Variants in HS6ST3 observed in about 807,000 individuals in gnomAD.
HS6ST3 encodes the protein heparan-sulfate 6-O-sulfotransferase 3.
HS6ST3 carries 12 observed loss-of-function variants against 36.7 expected under a neutral mutation model. The observed-to-expected ratio is 0.33, with a 90% CI of 0.21 to 0.53. HS6ST3 has a LOEUF of 0.53. HS6ST3 is among the 20% of genes least tolerant of loss of function. The pLI is 0.95. For synonymous variants in HS6ST3, 240 were observed against 257.5 expected, an observed-to-expected ratio of 0.93 and a Z score of 0.65; for missense variants, 584 against 640.9, an observed-to-expected ratio of 0.91 and a Z score of 0.96.
At chr13:96,414,987 A>G (rs1331592104) in intron 1 of HS6ST3, among the ~76,000 whole-genome samples, 4 of 152,222 alleles carry the variant, frequency 2.6e-5, no homozygotes, top group Non-Finnish European at 5.9e-5. Context: ...TCATTTTAAA[A>G]GAATTCAACA....
rs1292528531 is a variant in HS6ST3 at position 96,835,517 on chromosome 13, C to CTT, written c.*2320_*2321insTT. On this transcript the variant is annotated 3_prime_UTR_variant, in exon 2 of 2. Transcript: ENST00000376705. ...GATTAATGTTCGTCTCTCTCTCTCT[C>CTT]TCTCTCTAGCTTCTCATCTCATTGT... 2.0e-5 allele frequency: 3 copies of CTT among 151,790 alleles called. No homozygotes were observed. Among genetic ancestry groups the CTT allele is most frequent in the Non-Finnish European group, 4.4e-5 (3 of 67,986 alleles). The allele number at this position is 151,790 out of a possible 1,614,324, so 9.4% of individuals were successfully genotyped here. A position where few individuals can be genotyped will look rare whatever the true frequency, so the allele number is the denominator to read the frequency against.
chr13:96,756,589 T>G (rs1266002588), intron 1 of HS6ST3, among the ~76,000 whole-genome samples: 1 of 152,224 alleles, frequency 6.6e-6, no homozygotes, highest in African/African-American at 2.4e-5. Context: ...GTGGATCCAT[T>G]TGAACATACT....
At chr13:96,320,777 T>A (rs1207779543) in intron 1 of HS6ST3, among the ~76,000 whole-genome samples, 1 of 152,196 alleles carries the variant, frequency 6.6e-6, no homozygotes, top group East Asian at 1.9e-4. Context: ...TCAAGAATAC[T>A]GGGGACTCCT....
chr13:96,374,679 A>C (rs1257660864), intron 1 of HS6ST3, among the ~76,000 whole-genome samples: 1 of 152,118 alleles, frequency 6.6e-6, no homozygotes, highest in Admixed American at 6.6e-5. Flanking sequence ...TTGAGTGGTA[A>C]AAACCATAAG....
At chr13:96,273,056 T>C (rs1274570942) in intron 1 of HS6ST3, among the ~76,000 whole-genome samples, 1 of 151,950 alleles carries the variant, frequency 6.6e-6, no homozygotes, top group African/African-American at 2.4e-5. Context: ...AATAATAGAA[T>C]TGAATCTAAA....
chr13:96,362,277 A>G (rs1165995261), intron 1 of HS6ST3, among the ~76,000 whole-genome samples: 2 of 139,326 alleles, frequency 1.4e-5, no homozygotes, highest in Non-Finnish European at 3.4e-5. Flanking sequence ...TTCTAACAAA[A>G]TATTTTTAAA....
At chr13:96,822,707 T>C (rs1026411793) in intron 1 of HS6ST3, among the ~76,000 whole-genome samples, 1 of 152,230 alleles carries the variant, frequency 6.6e-6, no homozygotes, top group Non-Finnish European at 1.5e-5. Context: ...GTTTGGTTTG[T>C]TTTGTATAAT....
At chr13:96,177,280 C>T (rs1450214063) in intron 1 of HS6ST3, among the ~76,000 whole-genome samples, 2 of 152,158 alleles carry the variant, frequency 1.3e-5, no homozygotes, top group African/African-American at 2.4e-5. Context: ...GGTATATACT[C>T]AGATTAATGT....
chr13:96,519,357 A>G (rs1254825342), intron 1 of HS6ST3, among the ~76,000 whole-genome samples: 2 of 152,326 alleles, frequency 1.3e-5, no homozygotes, highest in Non-Finnish European at 2.9e-5. Context: ...CACTTTCCCT[A>G]AATTATATAA....
At chr13:96,150,044 G>C (rs908295152) in intron 1 of HS6ST3, among the ~76,000 whole-genome samples, 2 of 152,168 alleles carry the variant, frequency 1.3e-5, no homozygotes, top group African/African-American at 4.8e-5. Context: ...GGATATGCCT[G>C]TTTTGTTCCT....
intron 1 of HS6ST3, among the ~76,000 whole-genome samples, chr13:96,774,030 G>A (rs774072264): frequency 1.3e-5 from 2 of 152,178 alleles, no homozygotes; most frequent in Non-Finnish European, 2.9e-5. Context: ...TGATACCCAG[G>A]CAAACAAGGT....
intron 1 of HS6ST3, among the ~76,000 whole-genome samples, chr13:96,348,648 G>T (rs1216750009): frequency 6.6e-6 from 1 of 152,192 alleles, no homozygotes; most frequent in Non-Finnish European, 1.5e-5. Flanking sequence ...TACAAGGACT[G>T]CAGGCATCTA....
chr13:96,760,569 A>T (rs908858489), intron 1 of HS6ST3, among the ~76,000 whole-genome samples: 1 of 152,160 alleles, frequency 6.6e-6, no homozygotes, highest in African/African-American at 2.4e-5. Context: ...TAGCGAATGT[A>T]GGTGTTAGGC....
intron 1 of HS6ST3, among the ~76,000 whole-genome samples, chr13:96,594,388 C>A (rs1158980469): frequency 6.6e-6 from 1 of 151,844 alleles, no homozygotes. Context: ...ATCTTCTTTT[C>A]TTTCTCTCTT....
intron 1 of HS6ST3, among the ~76,000 whole-genome samples, chr13:96,681,622 C>T (rs2056718615): frequency 6.6e-6 from 1 of 152,120 alleles, no homozygotes; most frequent in African/African-American, 2.4e-5. Context: ...ATTATTTCTT[C>T]AGAGGAAATC....
chr13:96,398,737 A>T (rs555587771), intron 1 of HS6ST3, among the ~76,000 whole-genome samples: 1 of 152,296 alleles, frequency 6.6e-6, no homozygotes, highest in East Asian at 1.9e-4. Context: ...AGAGCTTGTG[A>T]CTTGTTTCCA....
intron 1 of HS6ST3, among the ~76,000 whole-genome samples, chr13:96,489,140 A>G (rs1937048373): frequency 6.6e-6 from 1 of 152,084 alleles, no homozygotes. Flanking sequence ...TATAGACATA[A>G]AAAGAAATAG....
chr13:96,131,403 G>A (rs1335960059), intron 1 of HS6ST3, among the ~76,000 whole-genome samples: 1 of 151,420 alleles, frequency 6.6e-6, no homozygotes, highest in Non-Finnish European at 1.5e-5. Flanking sequence ...ATTTTATTGA[G>A]GTTTACTTTT....
intron 1 of HS6ST3, among the ~76,000 whole-genome samples, chr13:96,101,220 GT>G (rs1409542357): frequency 6.6e-6 from 1 of 152,070 alleles, no homozygotes; most frequent in African/African-American, 2.4e-5. Flanking sequence ...ATGACAAGTA[GT>G]TTGCAAAACT....
Sources: allele counts gnomAD v4.1 joint callset (sites outside exome capture counted in the v4.1 genomes callset), GRCh38; gene constraint gnomAD v4.1.1; transcripts MANE v1.5; gene names NCBI Gene and HGNC (gene_info 2026-07-23, HGNC 2026-07-21).